Variants in DIAPH2 observed in about 807,000 individuals in gnomAD.
DIAPH2 encodes protein diaphanous homolog 2.
Under a neutral mutation model 92.7 loss-of-function variants are expected in DIAPH2, and 35 were observed. The ratio of observed to expected loss-of-function variants is 0.38; its 90% CI spans 0.29 to 0.50. DIAPH2 has a LOEUF of 0.50. Among genes scored for constraint, DIAPH2 ranks in the 20% least tolerant of loss-of-function variants. The pLI is 0.94. For missense variants in DIAPH2, 701 were observed against 819.5 expected (o/e 0.86, Z 1.77); for synonymous variants, 301 against 280.4 (o/e 1.07, Z -0.73).
rs139694396 is a variant in DIAPH2, at chrX:96,873,288, T to A, written c.448-8291T>A. ...TAAAAAAATCAGATTATTAGTTTTT[T>A]TCCTGTTGAGTTGCTTGAGCTCCTT... On this transcript the variant is annotated intron_variant, in intron 4 of 26. Transcript: ENST00000324765. Among the ~76,000 whole-genome samples the A allele has an allele frequency of 3.6e-3, 404 of 111,867 alleles. 1 individual carries two copies. The highest frequency in any genetic ancestry group is 0.013 in the African/African-American group (386 of 30,776).
chrX:97,421,715 T>C (rs769857878), intron 25 of DIAPH2, among the ~76,000 whole-genome samples: 4 of 112,066 alleles, frequency 3.6e-5, no homozygotes, highest in African/African-American at 1.3e-4. Flanking sequence ...TGGTCCACTT[T>C]GCATGCTACG....
At chrX:97,449,067 A>C (rs766782068) in intron 26 of DIAPH2, among the ~76,000 whole-genome samples, 1 of 111,839 alleles carries the variant, frequency 8.9e-6, no homozygotes, top group African/African-American at 3.2e-5. Flanking sequence ...TAATTTCCTG[A>C]CATTTGCTAT....
rs771560890 is a variant in DIAPH2, at chrX:97,129,089, ATCTTTTCTTTTCTTT to A, written c.2590-12530_2590-12516del. 1.7e-3 allele frequency among the ~76,000 whole-genome samples: 111 copies of A among 64,471 alleles called. 1 individual carries two copies. Among genetic ancestry groups the A allele is most frequent in the African/African-American group, 4.0e-3 (54 of 13,364 alleles). The allele number at this position is 64,471 out of a possible 115,157, so 56.0% of individuals were successfully genotyped here. On this transcript the variant is annotated intron_variant, in intron 21 of 26. Transcript: ENST00000324765. ...GACTGTTTTTCAAAGTGTCTATACC[ATCTTTTCTTTTCTTT>A]TCTTTTCTTTTCTTTTCTTTTCTTT...
intron 24 of DIAPH2, among the ~76,000 whole-genome samples, chrX:97,353,245 C>T (rs1225162752): frequency 9.0e-6 from 1 of 110,856 alleles, no homozygotes; most frequent in Non-Finnish European, 1.9e-5. Flanking sequence ...AAATAGTTGA[C>T]TGCACAAATA....
At chrX:96,899,572 G>A (rs1645341968) in intron 5 of DIAPH2, among the ~76,000 whole-genome samples, 1 of 111,384 alleles carries the variant, frequency 9.0e-6, no homozygotes, top group Admixed American at 9.5e-5. Flanking sequence ...TTTGTACATT[G>A]ATTTTGTATC....
rs937753304 is a variant in DIAPH2, at chrX:97,377,251, A to T, written c.3010-6658A>T. Among the ~76,000 whole-genome samples the T allele has an allele frequency of 4.4e-5, 5 of 112,370 alleles. No homozygotes were observed. The Admixed American group carries it at 4.7e-4, about 11-fold the overall frequency. On this transcript the variant is annotated intron_variant, in intron 24 of 26. Transcript: ENST00000324765. ...TTGTTATAAGTAGGTGTACACTCTA[A>T]ATGGTAGAAAGTATGGTATAGCAAA...
chrX:96,718,161 A>G (rs1369647648), intron 1 of DIAPH2, among the ~76,000 whole-genome samples: 1 of 105,620 alleles, frequency 9.5e-6, no homozygotes, highest in African/African-American at 3.4e-5. Flanking sequence ...CAATTGTTAT[A>G]ATTTTTTTAG....
At chrX:96,854,814 T>C (rs1187118974) in intron 4 of DIAPH2, among the ~76,000 whole-genome samples, 8 of 106,365 alleles carry the variant, frequency 7.5e-5, no homozygotes, top group Non-Finnish European at 1.4e-4. Context: ...GAGTTTTTTA[T>C]TTCTGCAATT....
At chrX:97,542,534 GTTAT>G (rs2071147908) in intron 26 of DIAPH2, among the ~76,000 whole-genome samples, 2 of 112,453 alleles carry the variant, frequency 1.8e-5, no homozygotes, top group Admixed American at 9.4e-5. Flanking sequence ...AGCGAAGGCA[GTTAT>G]TTGAGTGCCA....
At chrX:96,859,635 T>C (rs1159262179) in intron 4 of DIAPH2, among the ~76,000 whole-genome samples, 1 of 107,140 alleles carries the variant, frequency 9.3e-6, no homozygotes, top group African/African-American at 3.4e-5. Context: ...ATTTATTTAT[T>C]TATTTATTTA....
intron 1 of DIAPH2, among the ~76,000 whole-genome samples, chrX:96,734,708 A>G (rs1264650283): frequency 9.0e-6 from 1 of 111,400 alleles, no homozygotes; most frequent in Admixed American, 9.6e-5. Context: ...TACATAGAAT[A>G]GTATATTTGC....
chrX:97,245,235 C>T (rs2068131299), intron 22 of DIAPH2, among the ~76,000 whole-genome samples: 1 of 110,818 alleles, frequency 9.0e-6, no homozygotes, highest in African/African-American at 3.3e-5. Flanking sequence ...AGCTCCCAGG[C>T]TCAAGCGATC....
At chrX:97,014,310 C>G (rs1337263758) in intron 17 of DIAPH2, among the ~76,000 whole-genome samples, 1 of 111,645 alleles carries the variant, frequency 9.0e-6, no homozygotes, top group Admixed American at 9.5e-5. Context: ...GGAATATCTG[C>G]GAACCAGGTT....
chrX:97,052,963 G>C (rs1229471660), intron 17 of DIAPH2, among the ~76,000 whole-genome samples: 1 of 110,723 alleles, frequency 9.0e-6, no homozygotes, highest in Non-Finnish European at 1.9e-5. Flanking sequence ...GGCTGGCTTT[G>C]GACTAGGAAA....
chrX:97,254,726 A>T (rs1230377104), intron 23 of DIAPH2, among the ~76,000 whole-genome samples: 1 of 102,558 alleles, frequency 9.8e-6, no homozygotes, highest in African/African-American at 4.0e-5. Flanking sequence ...TATTTTATTT[A>T]TTTTATTTTA....
chrX:96,791,227 A>G (rs1170957748), intron 4 of DIAPH2, among the ~76,000 whole-genome samples: 2 of 112,008 alleles, frequency 1.8e-5, no homozygotes, highest in Non-Finnish European at 3.8e-5. Context: ...AATATTTAGT[A>G]AAGTTTGGAG....
chrX:96,849,964 T>A (rs1379300278), intron 4 of DIAPH2, among the ~76,000 whole-genome samples: 2 of 111,282 alleles, frequency 1.8e-5, no homozygotes, highest in African/African-American at 6.5e-5. Flanking sequence ...AAAGACTTTT[T>A]TTTTTTAATT....
intron 21 of DIAPH2, among the ~76,000 whole-genome samples, chrX:97,126,064 C>T (rs1202569713): frequency 8.9e-6 from 1 of 111,794 alleles, no homozygotes; most frequent in Non-Finnish European, 1.9e-5. Context: ...TTGCTATAGT[C>T]GTTTTCTGAG....
chrX:97,469,932 C>G, intron 26 of DIAPH2: 1 of 663,996 alleles, frequency 1.5e-6, no homozygotes, highest in Non-Finnish European at 2.1e-6. Context: ...GATGGTTAAC[C>G]ATATCTATGC....
Sources: gnomAD v4.1 joint callset for allele counts (sites outside exome capture counted in the v4.1 genomes callset) on GRCh38, gnomAD v4.1.1 for gene constraint, MANE v1.5 for transcripts, NCBI Gene and HGNC (gene_info 2026-07-23, HGNC 2026-07-21) for gene names.